RDH8: variants seen among roughly 807,000 people sequenced by gnomAD.
RDH8 encodes retinol dehydrogenase 8, also known as photoreceptor outer segment all-trans retinol dehydrogenase.
RDH8 carries 14 observed loss-of-function variants against 22.3 expected under a neutral mutation model. The observed-to-expected ratio is 0.63, with a 90% CI of 0.42 to 0.98. The LOEUF (loss-of-function observed/expected upper bound fraction) is 0.98. RDH8 is among the 50% of genes least tolerant of loss of function. The probability of loss-of-function intolerance (pLI) is 0.00; values close to 1 mark genes in which losing one functional copy is unlikely to be tolerated. For missense variants in RDH8, 389 were observed against 409.8 expected (o/e 0.95, Z 0.44); for synonymous variants, 175 against 171.7 (o/e 1.02, Z -0.15).
At chr19:10,019,398 G>A (rs1197434913) in intron 3 of RDH8, among the ~76,000 whole-genome samples, 4 of 152,070 alleles carry the variant, frequency 2.6e-5, no homozygotes, top group African/African-American at 9.7e-5. Flanking sequence ...GGTGACTCAC[G>A]TCTATAATCC....
chr19:10,016,513 T>C (rs2145165583), intron 1 of RDH8, among the ~76,000 whole-genome samples: 1 of 151,930 alleles, frequency 6.6e-6, no homozygotes, highest in East Asian at 1.9e-4. Flanking sequence ...CAGACGGTAG[T>C]GCAGTGGCTC....
At position 10,021,950 on chromosome 19, in the gene RDH8, G is replaced by C. The variant is rs1337375008; in HGVS notation, c.*201G>C. 6 of 633,076 alleles carry C rather than the reference G, an allele frequency of 9.5e-6. No homozygotes were observed. The East Asian group carries it at 1.7e-4, about 18-fold the overall frequency. The allele number at this position is 633,076 out of a possible 1,614,324, so 39.2% of individuals were successfully genotyped here. A position where few individuals can be genotyped will look rare whatever the true frequency, so the allele number is the denominator to read the frequency against. On this transcript the variant is annotated 3_prime_UTR_variant, in exon 6 of 6. Transcript: ENST00000591589. ...TCTGTGGTCACAGCTGGAGCACAGAGAGGGACCCTGGGAACTTGGCCTGGG... is the reference window on the plus strand; with the variant it reads ...TCTGTGGTCACAGCTGGAGCACAGACAGGGACCCTGGGAACTTGGCCTGGG...
At position 10,018,717 on chromosome 19, in the gene RDH8, A is replaced by G. The variant is rs757711432; in HGVS notation, c.263-14A>G. On this transcript the variant is annotated splice_polypyrimidine_tract_variant and intron_variant, in intron 2 of 5. Transcript: ENST00000591589. ...GAGGGACTTTAAGGTAACCCTTAGT[A>G]CCTCTTCTCTTAGTGAATAATGCTG... The G allele has an allele frequency of 6.3e-7, 1 of 1,585,870 alleles. No individual in the cohort carries two copies. Among genetic ancestry groups the G allele is most frequent in the East Asian group, 2.3e-5 (1 of 44,322 alleles).
chr19:10,015,942 G>A (rs940863525), intron 1 of RDH8, among the ~76,000 whole-genome samples: 22 of 150,698 alleles, frequency 1.5e-4, no homozygotes, highest in African/African-American at 5.4e-4. Context: ...ACAAACAAGA[G>A]TGAAACTTCG....
intron 3 of RDH8, 124 bp from the exon 4 acceptor site, chr19:10,020,585 T>A: frequency 3.0e-6 from 2 of 658,836 alleles, no homozygotes; most frequent in Middle Eastern, 2.5e-4. Flanking sequence ...CTTGGCACCA[T>A]GTATCTGCTT....
At position 10,014,383 on chromosome 19, in the gene RDH8, C is replaced by T. The variant is rs149475514; in HGVS notation, c.103+783C>T. Among the ~76,000 whole-genome samples, 1,238 of 152,210 alleles carry T rather than the reference C, an allele frequency of 8.1e-3. 15 individuals are homozygous for T. Among genetic ancestry groups the T allele is most frequent in the African/African-American group, 0.028 (1,173 of 41,502 alleles). On this transcript the variant is annotated intron_variant, in intron 1 of 5. Transcript: ENST00000591589. ...AGGGAATAACGTGTGTCCCTATGGG[C>T]GGGCAGATGGGTGTATGAAACTGCT... is the stretch of plus-strand genomic sequence containing the variant.
Position 10,021,323 on chromosome 19 carries a change from T to C in RDH8, c.605T>C (p.Met202Thr), listed in dbSNP as rs1644731. The change falls in exon 5 of 6, where the codon ATG (methionine) becomes ACG (threonine). Residue 202 changes from methionine (M) to threonine (T), a missense_variant. Met to Thr is a moderately conservative substitution (Grantham distance 81). Coordinates refer to ENST00000591589, the MANE Select transcript of RDH8 (RefSeq NM_015725.4). ...FEGKLLAQVS[M>T]AEFPGTDPET... Reference sequence around the variant, plus strand: ...GGGAAGCTTCTGGCGCAGGTTTCTATGGCTGAGTTCCCAGGCACTGACCCT... The same window carrying C: ...GGGAAGCTTCTGGCGCAGGTTTCTACGGCTGAGTTCCCAGGCACTGACCCT... 0.49 allele frequency: 787,850 copies of C among 1,613,596 alleles called. 196,388 individuals carry two copies. The highest frequency in any genetic ancestry group is 0.67 in the South Asian group (60,595 of 91,076).
chr19:10,020,632 A>G (rs1234405040), intron 3 of RDH8, 77 bp from the exon 4 acceptor site: 7 of 866,504 alleles, frequency 8.1e-6, no homozygotes, highest in Non-Finnish European at 1.3e-5. Context: ...CTGTCTCCCA[A>G]AGACCCCATC....
rs144245140 is a variant in RDH8 at position 10,017,715 on chromosome 19, C to T, written c.262+500C>T. Among the ~76,000 whole-genome samples the T allele has an allele frequency of 2.9e-3, 437 of 152,172 alleles. 1 individual carries two copies. The highest frequency in any genetic ancestry group is 4.8e-3 in the Non-Finnish European group (326 of 67,998). On this transcript the variant is annotated intron_variant, in intron 2 of 5. Transcript: ENST00000591589. ...AGGCTGGAGTGCAGTGGCGTGATCT[C>T]GGCTCACTGCAACCTCCACCTCCCA... is the stretch of plus-strand genomic sequence containing the variant.
intron 1 of RDH8, among the ~76,000 whole-genome samples, chr19:10,013,950 G>T (rs1329428346): frequency 6.6e-6 from 1 of 152,074 alleles, no homozygotes; most frequent in East Asian, 1.9e-4. Context: ...GGCAGGGGGT[G>T]GGTGGGGGTT....
At chr19:10,014,927 T>G (rs1486483564) in intron 1 of RDH8, among the ~76,000 whole-genome samples, 3 of 152,186 alleles carry the variant, frequency 2.0e-5, no homozygotes, top group Non-Finnish European at 2.9e-5. Flanking sequence ...GAGCTGGGAT[T>G]TGAACTCAGG....
chr19:10,019,044 C>T, intron 3 of RDH8, 134 bp downstream of exon 3: 1 of 713,818 alleles, frequency 1.4e-6, no homozygotes, highest in Non-Finnish European at 2.2e-6. Flanking sequence ...TGCCTGTAAT[C>T]TTAGCACTTT....
At chr19:10,015,687 C>A (rs575290210) in intron 1 of RDH8, among the ~76,000 whole-genome samples, 1 of 151,322 alleles carries the variant, frequency 6.6e-6, no homozygotes, top group Admixed American at 6.6e-5. Flanking sequence ...TGGCTCCTCA[C>A]GCCTGTAATC....
rs1175191713 is a variant in RDH8, at chr19:10,018,826, C to T, written c.358C>T (p.Arg120Cys). The T allele has an allele frequency of 3.7e-6, 6 of 1,613,836 alleles. No homozygotes were observed. The highest frequency in any genetic ancestry group is 2.2e-5 in the East Asian group (1 of 44,878). The stretch of plus-strand genomic sequence containing the variant: ...TGACACCAACTTTTTCGGAGCTGTC[C>T]GTCTCGTCAAAGCTGTGCTTCCAGG... ...VFDTNFFGAVRLVKAVLPGMK... is the reference protein window; with the variant it reads ...VFDTNFFGAVCLVKAVLPGMK... Residue 120 changes from arginine (R) to cysteine (C), a missense_variant, in exon 3 of 6, where the codon CGT becomes TGT. Transcript: ENST00000591589.
chr19:10,019,618 A>T lies in RDH8; in HGVS notation c.442+708A>T, dbSNP rs531528989. The stretch of plus-strand genomic sequence containing the variant: ...GTTCAAGACCAGCCTGGCCAACATT[A>T]TGAAATCCCATCTCTACTAAAAATA... On this transcript the variant is annotated intron_variant, in intron 3 of 5. Transcript: ENST00000591589. Among the ~76,000 whole-genome samples, 6 of 151,850 alleles carry T rather than the reference A, an allele frequency of 4.0e-5. No individual in the cohort carries two copies. The South Asian group carries it at 1.3e-3, about 32-fold the overall frequency.
At chr19:10,015,661 A>G (rs2087607370) in intron 1 of RDH8, among the ~76,000 whole-genome samples, 1 of 150,788 alleles carries the variant, frequency 6.6e-6, no homozygotes, top group South Asian at 2.1e-4. Flanking sequence ...AAGCTTGGCC[A>G]GGTGCTGTGG....
intron 3 of RDH8, among the ~76,000 whole-genome samples, chr19:10,020,371 A>AGAAG (rs1166655914): frequency 6.7e-6 from 1 of 148,848 alleles, no homozygotes; most frequent in Admixed American, 6.7e-5. Flanking sequence ...GAAGGAAGGA[A>AGAAG]GGGAGGGAGG....
chr19:10,021,450 G>A lies in RDH8; in HGVS notation c.720+12G>A. The A allele has an allele frequency of 6.2e-7, 1 of 1,614,086 alleles. No homozygotes were observed. Among genetic ancestry groups the A allele is most frequent in the Non-Finnish European group, 8.5e-7 (1 of 1,179,988 alleles). On this transcript the variant is annotated intron_variant, in intron 5 of 5. Coordinates refer to ENST00000591589, the MANE Select transcript of RDH8 (RefSeq NM_015725.4). Reference sequence around the variant, plus strand: ...AGGACGTGGTTCAGGTGAGTGAAGGGCCCAGAGCCCCAAGACGTGGCTCAG... The same window carrying A: ...AGGACGTGGTTCAGGTGAGTGAAGGACCCAGAGCCCCAAGACGTGGCTCAG...
intron 3 of RDH8, among the ~76,000 whole-genome samples, chr19:10,020,456 G>C (rs2087650166): frequency 6.6e-6 from 1 of 151,978 alleles, no homozygotes; most frequent in African/African-American, 2.4e-5. Context: ...AGAGAATGGA[G>C]GGAAATAGGG....
Sources: allele counts gnomAD v4.1 joint callset (sites outside exome capture counted in the v4.1 genomes callset), GRCh38; gene constraint gnomAD v4.1.1; transcripts MANE v1.5; gene names NCBI Gene and HGNC (gene_info 2026-07-23, HGNC 2026-07-21).